The following GULP1 variants were observed in gnomAD, a reference collection of about 807,000 sequenced individuals.
The protein encoded by GULP1 is PTB domain-containing engulfment adapter protein 1.
In GULP1, 19 loss-of-function variants were observed where a neutral mutation model predicts 40.9. The observed-to-expected ratio is 0.46, with a 90% CI of 0.32 to 0.68. The LOEUF is 0.68. GULP1 is among the 30% of genes least tolerant of loss of function. The probability of loss-of-function intolerance (pLI) is 0.03; values close to 1 mark genes in which losing one functional copy is unlikely to be tolerated. For synonymous variants in GULP1, 119 were observed against 117.6 expected, an observed-to-expected ratio of 1.01 and a Z score of -0.08; for missense variants, 312 against 362.2, an observed-to-expected ratio of 0.86 and a Z score of 1.12.
intron 1 of GULP1, among the ~76,000 whole-genome samples, chr2:188,303,942 A>T (rs1434747059): frequency 1.3e-5 from 2 of 152,172 alleles, no homozygotes; most frequent in Non-Finnish European, 2.9e-5. Context: ...TCTTTTGGAA[A>T]TGATTGTTTA....
At chr2:188,355,909 T>C (rs2045238009) in intron 1 of GULP1, among the ~76,000 whole-genome samples, 1 of 151,984 alleles carries the variant, frequency 6.6e-6, no homozygotes, top group Non-Finnish European at 1.5e-5. Flanking sequence ...ATGATACATA[T>C]CAACAGAATG....
intron 5 of GULP1, among the ~76,000 whole-genome samples, chr2:188,526,759 T>C (rs1686260154): frequency 6.6e-6 from 1 of 152,184 alleles, no homozygotes; most frequent in South Asian, 2.1e-4. Context: ...GAATTTTCTT[T>C]TCTAAATGCA....
At chr2:188,593,754 G>A in intron 11 of GULP1, 186 bp from the exon 12 acceptor site, 1 of 453,086 alleles carries the variant, frequency 2.2e-6, no homozygotes, top group East Asian at 3.2e-5. Flanking sequence ...AAGTGTTAAT[G>A]GGTCTGAAAG....
At chr2:188,454,750 G>A (rs2059121864) in intron 2 of GULP1, among the ~76,000 whole-genome samples, 1 of 152,232 alleles carries the variant, frequency 6.6e-6, no homozygotes, top group South Asian at 2.1e-4. Flanking sequence ...GACCTTAGTT[G>A]TGACGAAATC....
intron 5 of GULP1, 63 bp from the exon 6 acceptor site, chr2:188,529,034 T>C: frequency 1.2e-6 from 1 of 806,184 alleles, no homozygotes. Flanking sequence ...AAATGTATAT[T>C]TATTTTTGTT....
At chr2:188,451,441 A>G (rs1559256601) in intron 2 of GULP1, among the ~76,000 whole-genome samples, 1 of 152,234 alleles carries the variant, frequency 6.6e-6, no homozygotes, top group Non-Finnish European at 1.5e-5. Context: ...TTTTTATTTT[A>G]CATCTACCAA....
intron 2 of GULP1, among the ~76,000 whole-genome samples, chr2:188,392,308 T>C (rs1194650438): frequency 2.8e-5 from 2 of 71,270 alleles, no homozygotes; most frequent in Non-Finnish European, 8.2e-5. Flanking sequence ...AGGGTTTTTA[T>C]TTCTTCTTGA....
intron 1 of GULP1, among the ~76,000 whole-genome samples, chr2:188,330,207 TTAAGA>T (rs1467587992): frequency 1.3e-5 from 2 of 152,178 alleles, no homozygotes; most frequent in Non-Finnish European, 2.9e-5. Context: ...AAAATAATTC[TTAAGA>T]TTAGGTAAGT....
At position 188,357,281 on chromosome 2, in the gene GULP1, T is replaced by C. The variant is rs139228641; in HGVS notation, c.-171-26482T>C. On this transcript the variant is annotated intron_variant, in intron 1 of 11. Coordinates refer to ENST00000409830, the MANE Select transcript of GULP1 (RefSeq NM_016315.4). ...CAAAGTTAAAAGACAACTTACAGAA[T>C]GGAGAAAATATTTGCAAACTATTCA... Among the ~76,000 whole-genome samples, 7 of 152,246 alleles carry C rather than the reference T, an allele frequency of 4.6e-5. No individual in the cohort carries two copies. The East Asian group carries it at 9.7e-4, about 21-fold the overall frequency.
chr2:188,368,823 T>C (rs62183206), intron 1 of GULP1, among the ~76,000 whole-genome samples: 72,343 of 148,044 alleles, frequency 0.49, 18,174 homozygotes, highest in East Asian at 0.72. Context: ...CTTTTTTCAG[T>C]GACTTAAGAC....
At chr2:188,379,865 A>T (rs1345609244) in intron 1 of GULP1, among the ~76,000 whole-genome samples, 6 of 152,166 alleles carry the variant, frequency 3.9e-5, no homozygotes, top group African/African-American at 1.4e-4. Flanking sequence ...TTCCTTTGCC[A>T]TCCGTGGCTT....
At chr2:188,561,650 C>G (rs1371070294) in intron 7 of GULP1, among the ~76,000 whole-genome samples, 2 of 152,142 alleles carry the variant, frequency 1.3e-5, no homozygotes, top group African/African-American at 4.8e-5. Context: ...CTGTAGTGGG[C>G]AGGGGCAGGG....
At chr2:188,329,819 G>T (rs141683403) in intron 1 of GULP1, among the ~76,000 whole-genome samples, 3 of 152,050 alleles carry the variant, frequency 2.0e-5, no homozygotes, top group African/African-American at 7.2e-5. Flanking sequence ...GGCAAGATGG[G>T]GACAGGATTT....
chr2:188,481,190 C>G (rs1161894329), intron 3 of GULP1, among the ~76,000 whole-genome samples: 1 of 151,958 alleles, frequency 6.6e-6, no homozygotes, highest in South Asian at 2.1e-4. Flanking sequence ...GGAAGAGGAA[C>G]TCTTTCTAGA....
chr2:188,295,769 G>T lies in GULP1; in HGVS notation c.-172+3603G>T, dbSNP rs984060077. 2.6e-5 allele frequency among the ~76,000 whole-genome samples: 4 copies of T among 151,974 alleles called. No homozygotes were observed. The South Asian group carries it at 8.3e-4, about 32-fold the overall frequency. On this transcript the variant is annotated intron_variant, in intron 1 of 11. Coordinates refer to ENST00000409830, the MANE Select transcript of GULP1 (RefSeq NM_016315.4). ...AATCTGTAAAAAGCACGTGTATATG[G>T]GATATAGTAGTTGGGTTGAAACTTA...
chr2:188,499,877 A>G (rs1415776292), intron 4 of GULP1, among the ~76,000 whole-genome samples: 1 of 151,826 alleles, frequency 6.6e-6, no homozygotes, highest in Non-Finnish European at 1.5e-5. Flanking sequence ...ATTGAAGTAT[A>G]TATGAAAGAG....
chr2:188,583,284 C>T (rs1026326173), intron 9 of GULP1, among the ~76,000 whole-genome samples: 2 of 152,046 alleles, frequency 1.3e-5, no homozygotes, highest in Non-Finnish European at 2.9e-5. Context: ...CACAATAAGC[C>T]TGATTTTTTC....
At chr2:188,296,658 A>G (rs1448804054) in intron 1 of GULP1, among the ~76,000 whole-genome samples, 1 of 152,122 alleles carries the variant, frequency 6.6e-6, no homozygotes, top group Non-Finnish European at 1.5e-5. Flanking sequence ...TAAGATTTTC[A>G]GTATATTTTG....
chr2:188,415,871 A>G (rs2054512236), intron 2 of GULP1, among the ~76,000 whole-genome samples: 1 of 152,180 alleles, frequency 6.6e-6, no homozygotes, highest in Admixed American at 6.5e-5. Context: ...CCAGTTAAAC[A>G]TTAATTCCAT....
Sources: gnomAD v4.1 joint callset for allele counts (sites outside exome capture counted in the v4.1 genomes callset) on GRCh38, gnomAD v4.1.1 for gene constraint, MANE v1.5 for transcripts, NCBI Gene and HGNC (gene_info 2026-07-23, HGNC 2026-07-21) for gene names.